The following PDE4D variants were observed in gnomAD, a reference collection of about 807,000 sequenced individuals.
PDE4D encodes the protein 3',5'-cyclic-AMP phosphodiesterase 4D.
PDE4D carries 24 observed loss-of-function variants against 87.4 expected under a neutral mutation model. The observed-to-expected ratio is 0.27, with a 90% CI of 0.20 to 0.39. The LOEUF (loss-of-function observed/expected upper bound fraction) is 0.39. PDE4D is among the 10% of genes least tolerant of loss of function. PDE4D has a pLI of 1.00. For synonymous variants in PDE4D, 384 were observed against 383.2 expected, an observed-to-expected ratio of 1.00 and a Z score of -0.02; for missense variants, 714 against 1,041.0, an observed-to-expected ratio of 0.69 and a Z score of 4.32.
intron 2 of PDE4D, among the ~76,000 whole-genome samples, chr5:60,047,786 T>C (rs971088499): frequency 1.3e-5 from 2 of 152,124 alleles, no homozygotes; most frequent in Non-Finnish European, 2.9e-5. Context: ...TACTTCCAAG[T>C]ATGTGGTCAA....
At position 60,066,602 on chromosome 5, in the gene PDE4D, AT is replaced by A. The variant is rs570313027; in HGVS notation, c.43-77886del. ...CTTCCTAAAGCAAATTATCATCATCATCATCATCATCATCATCATCATCATC... is the reference window on the plus strand; with the variant it reads ...CTTCCTAAAGCAAATTATCATCATCACATCATCATCATCATCATCATCATC... On this transcript the variant is annotated intron_variant, in intron 2 of 16. Coordinates refer to the PDE4D transcript ENST00000502484. Among the ~76,000 whole-genome samples, 304 of 149,666 alleles carry A rather than the reference AT, an allele frequency of 2.0e-3. 1 individual carries two copies. The highest frequency in any genetic ancestry group is 7.4e-3 in the African/African-American group (295 of 40,028).
chr5:59,103,784 G>A (rs1035393499), intron 5 of PDE4D, among the ~76,000 whole-genome samples: 6 of 152,160 alleles, frequency 3.9e-5, no homozygotes, highest in Non-Finnish European at 8.8e-5. Flanking sequence ...GCTTTATTTT[G>A]TACCTTTAGA....
intron 1 of PDE4D, among the ~76,000 whole-genome samples, chr5:59,657,448 A>C (rs1744552215): frequency 1.3e-5 from 2 of 152,166 alleles, no homozygotes; most frequent in Admixed American, 6.5e-5. Context: ...AAATCATTAG[A>C]GCTCAAATGA....
At chr5:60,373,679 G>A (rs756356464) in intron 1 of PDE4D, among the ~76,000 whole-genome samples, 1 of 152,174 alleles carries the variant, frequency 6.6e-6, no homozygotes, top group African/African-American at 2.4e-5. Context: ...TGATCTTACA[G>A]TTATGGATAT....
chr5:60,353,592 TC>T, intron 1 of PDE4D, among the ~76,000 whole-genome samples: 1 of 152,196 alleles, frequency 6.6e-6, no homozygotes, highest in East Asian at 1.9e-4. Flanking sequence ...TGAGCAGAAT[TC>T]CCCCAACAGA....
chr5:59,022,179 T>C lies in PDE4D; in HGVS notation c.921+16680A>G, dbSNP rs576730728. ...TAAACATTTACATCCGCCACTGACC[T>C]GTCTGGGATTTCTTTTTTACTTCAA... is the stretch of plus-strand genomic sequence containing the variant. On this transcript the variant is annotated intron_variant, in intron 6 of 14. Coordinates refer to ENST00000340635, the MANE Select transcript of PDE4D (RefSeq NM_001104631.2). Among the ~76,000 whole-genome samples, 7 of 152,310 alleles carry C rather than the reference T, an allele frequency of 4.6e-5. No homozygotes were observed. In the East Asian group the frequency reaches 1.4e-3, roughly 29 times the overall value.
intron 1 of PDE4D, among the ~76,000 whole-genome samples, chr5:59,598,732 G>A (rs146049263): frequency 0.017 from 2,608 of 152,130 alleles, 71 homozygotes; most frequent in African/African-American, 0.059. Flanking sequence ...GGAGGAAGCC[G>A]TGAAGAAAAA....
intron 1 of PDE4D, among the ~76,000 whole-genome samples, chr5:59,461,965 G>T (rs1223165987): frequency 6.6e-6 from 1 of 152,054 alleles, no homozygotes; most frequent in Non-Finnish European, 1.5e-5. Context: ...CTAGCATTTT[G>T]TTAACAGATA....
At chr5:60,437,111 T>C (rs1473282776) in intron 1 of PDE4D, among the ~76,000 whole-genome samples, 2 of 152,064 alleles carry the variant, frequency 1.3e-5, no homozygotes, top group African/African-American at 2.4e-5. Context: ...TTCCTCATCT[T>C]CAACAGAATA....
At chr5:60,209,062 A>G (rs1742871947) in intron 1 of PDE4D, among the ~76,000 whole-genome samples, 1 of 151,810 alleles carries the variant, frequency 6.6e-6, no homozygotes, top group African/African-American at 2.4e-5. Context: ...GGCTGCCTGG[A>G]CTCTTATTTT....
At position 58,990,917 on chromosome 5, in the gene PDE4D, A is replaced by C. The variant is rs1468919558; in HGVS notation, c.1189-15T>G. ...TCTTCTAGTTCCTGGAGTGAAAAAAAAAAAAAGATACTAAAATATTAGAAA... is the reference window on the plus strand; with the variant it reads ...TCTTCTAGTTCCTGGAGTGAAAAAACAAAAAAGATACTAAAATATTAGAAA... On this transcript the variant is annotated splice_polypyrimidine_tract_variant and intron_variant, in intron 8 of 14. Transcript: ENST00000340635. 1.3e-5 allele frequency: 18 copies of C among 1,349,914 alleles called. No homozygotes were observed. Among genetic ancestry groups the C allele is most frequent in the Non-Finnish European group, 1.6e-5 (16 of 972,310 alleles). 83.6% of individuals were successfully genotyped at this position (1,349,914 alleles called of 1,614,324 possible).
chr5:59,844,115 C>G (rs893867789), intron 1 of PDE4D, among the ~76,000 whole-genome samples: 1 of 152,036 alleles, frequency 6.6e-6, no homozygotes, highest in Non-Finnish European at 1.5e-5. Flanking sequence ...TTCAACCTCT[C>G]AAACACCTGG....
chr5:59,072,854 T>C (rs1313561180), intron 5 of PDE4D, among the ~76,000 whole-genome samples: 1 of 152,344 alleles, frequency 6.6e-6, no homozygotes, highest in Non-Finnish European at 1.5e-5. Context: ...TCTTTGTTAG[T>C]GTATTAGCCA....
intron 1 of PDE4D, among the ~76,000 whole-genome samples, chr5:59,838,058 A>G (rs73761004): frequency 0.01 from 1,550 of 152,232 alleles, 33 homozygotes; most frequent in African/African-American, 0.035. Flanking sequence ...GAATAATGCT[A>G]TCATTTCATA....
chr5:60,130,615 G>T (rs1779481238), intron 2 of PDE4D, among the ~76,000 whole-genome samples: 1 of 152,126 alleles, frequency 6.6e-6, no homozygotes, highest in African/African-American at 2.4e-5. Context: ...CAGCTTTGTG[G>T]TATCTGCAAA....
intron 1 of PDE4D, among the ~76,000 whole-genome samples, chr5:60,458,386 CAAAAAAAAA>C (rs61006284): frequency 2.7e-4 from 20 of 75,184 alleles, no homozygotes; most frequent in Non-Finnish European, 2.2e-4. Flanking sequence ...GACTTCATTG[CAAAAAAAAA>C]AAAAAAAAAA....
intron 1 of PDE4D, among the ~76,000 whole-genome samples, chr5:59,535,143 G>A (rs1185839397): frequency 6.6e-6 from 1 of 151,836 alleles, no homozygotes; most frequent in Non-Finnish European, 1.5e-5. Context: ...ATAGGAACAG[G>A]TGAAAAGTGA....
At chr5:60,307,800 C>T (rs1316751488) in intron 1 of PDE4D, among the ~76,000 whole-genome samples, 1 of 152,048 alleles carries the variant, frequency 6.6e-6, no homozygotes, top group African/African-American at 2.4e-5. Flanking sequence ...TTAAAATTAA[C>T]CAAAATATTA....
intron 1 of PDE4D, among the ~76,000 whole-genome samples, chr5:59,616,231 C>A (rs1190757857): frequency 6.6e-6 from 1 of 152,022 alleles, no homozygotes; most frequent in Non-Finnish European, 1.5e-5. Context: ...AAATTACACC[C>A]ATTTCCAAAC....
Sources: gnomAD v4.1 joint callset for allele counts (sites outside exome capture counted in the v4.1 genomes callset) on GRCh38, gnomAD v4.1.1 for gene constraint, MANE v1.5 for transcripts, NCBI Gene and HGNC (gene_info 2026-07-23, HGNC 2026-07-21) for gene names.